Variants in GPATCH2 observed in about 807,000 individuals in gnomAD.
The protein encoded by GPATCH2 is G-patch domain containing 2.
Under a neutral mutation model 58.0 loss-of-function variants are expected in GPATCH2, and 51 were observed. That is an observed-to-expected ratio of 0.88 (90% CI 0.70 to 1.11). The LOEUF (loss-of-function observed/expected upper bound fraction) is 1.11. Ranked by LOEUF, GPATCH2 falls within the 50% of genes most tolerant of loss-of-function variation. The probability of loss-of-function intolerance (pLI) is 0.00; values close to 1 mark genes in which losing one functional copy is unlikely to be tolerated. For missense variants in GPATCH2, 625 were observed against 652.2 expected, an observed-to-expected ratio of 0.96 and a Z score of 0.45; for synonymous variants, 222 against 218.5, an observed-to-expected ratio of 1.02 and a Z score of -0.14.
At chr1:217,515,799 TA>T (rs36063116) in intron 5 of GPATCH2, among the ~76,000 whole-genome samples, 25,498 of 148,826 alleles carry the variant, frequency 0.17, 2,937 homozygotes, top group East Asian at 0.48. Flanking sequence ...ACTTATTACA[TA>T]AAAAAAAAAG....
chr1:217,472,504 G>C (rs979478474), intron 8 of GPATCH2, among the ~76,000 whole-genome samples: 7 of 152,044 alleles, frequency 4.6e-5, no homozygotes, highest in South Asian at 2.1e-4. Flanking sequence ...GGGTTTCACT[G>C]TGTTAGCCAA....
At chr1:217,621,252 A>T (rs909997806) in intron 1 of GPATCH2, among the ~76,000 whole-genome samples, 3 of 152,216 alleles carry the variant, frequency 2.0e-5, no homozygotes, top group Admixed American at 6.5e-5. Flanking sequence ...AATTTTTATA[A>T]ATTATACCTG....
chr1:217,609,832 C>A, intron 5 of GPATCH2: 8 of 1,001,794 alleles, frequency 8.0e-6, no homozygotes, highest in Non-Finnish European at 9.5e-6. Flanking sequence ...TTAAAATTTT[C>A]TAGCTTTGTT....
At chr1:217,468,286 T>TACACAATATCACCTTTGGAACAATC (rs1318434688) in intron 8 of GPATCH2, among the ~76,000 whole-genome samples, 2 of 152,140 alleles carry the variant, frequency 1.3e-5, no homozygotes, top group Non-Finnish European at 2.9e-5. Flanking sequence ...GTGAGGGAAG[T>TACACAATATCACCTTTGGAACAATC]ACACAATATC....
chr1:217,452,376 AATT>A (rs1659707097), intron 8 of GPATCH2, among the ~76,000 whole-genome samples: 1 of 152,238 alleles, frequency 6.6e-6, no homozygotes, highest in African/African-American at 2.4e-5. Context: ...AAGCTAAAAC[AATT>A]ATTAGCCAGG....
At chr1:217,515,510 C>G (rs1663089191) in intron 5 of GPATCH2, among the ~76,000 whole-genome samples, 1 of 152,026 alleles carries the variant, frequency 6.6e-6, no homozygotes, top group Non-Finnish European at 1.5e-5. Context: ...GAGTTCGAGA[C>G]CAGCCTGGAC....
chr1:217,544,467 T>C (rs1489143000), intron 5 of GPATCH2, among the ~76,000 whole-genome samples: 1 of 152,178 alleles, frequency 6.6e-6, no homozygotes, highest in Admixed American at 6.5e-5. Flanking sequence ...GCCAACATTC[T>C]TTTAAAAAAA....
chr1:217,548,460 C>T (rs1186283729), intron 5 of GPATCH2, among the ~76,000 whole-genome samples: 1 of 152,228 alleles, frequency 6.6e-6, no homozygotes, highest in Non-Finnish European at 1.5e-5. Context: ...AAGACACCTG[C>T]TTCTCTCAAT....
intron 5 of GPATCH2, among the ~76,000 whole-genome samples, chr1:217,584,679 A>T (rs1241370126): frequency 2.0e-5 from 3 of 152,128 alleles, no homozygotes. Flanking sequence ...GTAGATACCT[A>T]GCTTCCAAAC....
Position 217,620,457 on chromosome 1 carries a change from G to C in GPATCH2, c.99C>G (p.Val33=). Residue 33 remains valine, a synonymous_variant, in exon 2 of 10, where the codon GTC becomes GTG. Coordinates refer to ENST00000366935, the MANE Select transcript of GPATCH2 (RefSeq NM_018040.5). The stretch of plus-strand genomic sequence containing the variant: ...GCTCTGAGCTCTCTTCCAATGCTGA[G>C]ACAAGGTCATGAACCAGCTCCTCCA... ...RTMEELVHDL[V]SALEESSEQA... 3 of 1,613,832 alleles carry C rather than the reference G, an allele frequency of 1.9e-6. No individual in the cohort carries two copies. The South Asian group carries it at 3.3e-5, about 18-fold the overall frequency.
chr1:217,618,778 G>A (rs1015093333), intron 2 of GPATCH2, among the ~76,000 whole-genome samples: 10 of 151,980 alleles, frequency 6.6e-5, no homozygotes, highest in Admixed American at 2.6e-4. Context: ...TGGCCAACAT[G>A]GTGAAACCCC....
chr1:217,455,105 C>T (rs1659882273), intron 8 of GPATCH2, among the ~76,000 whole-genome samples: 1 of 152,154 alleles, frequency 6.6e-6, no homozygotes, highest in Non-Finnish European at 1.5e-5. Context: ...TGCCTCAAAC[C>T]TGATCTTAGC....
chr1:217,547,952 GTC>G (rs1360069143), intron 5 of GPATCH2, among the ~76,000 whole-genome samples: 1 of 152,080 alleles, frequency 6.6e-6, no homozygotes, highest in African/African-American at 2.4e-5. Context: ...TAGTTCTCCT[GTC>G]TCTCTCCTGC....
intron 6 of GPATCH2, among the ~76,000 whole-genome samples, chr1:217,499,123 A>G (rs1194053956): frequency 6.6e-6 from 1 of 152,120 alleles, no homozygotes; most frequent in Non-Finnish European, 1.5e-5. Context: ...ATTCTGCATA[A>G]AAAAACTAAC....
intron 5 of GPATCH2, among the ~76,000 whole-genome samples, chr1:217,567,331 C>T (rs950808649): frequency 6.6e-6 from 1 of 152,222 alleles, no homozygotes; most frequent in Non-Finnish European, 1.5e-5. Flanking sequence ...CAGGCATGAG[C>T]CACCGCACCC....
chr1:217,563,808 G>A (rs1305147734), intron 5 of GPATCH2, among the ~76,000 whole-genome samples: 1 of 152,118 alleles, frequency 6.6e-6, no homozygotes, highest in African/African-American at 2.4e-5. Context: ...ACTTTGGGTA[G>A]CCAAGGCGGG....
chr1:217,480,226 T>G (rs1363931021), intron 8 of GPATCH2, among the ~76,000 whole-genome samples: 1 of 151,952 alleles, frequency 6.6e-6, no homozygotes, highest in African/African-American at 2.4e-5. Context: ...GAGAAAATAT[T>G]TGCAAGCTAC....
At chr1:217,611,728 C>T (rs1191917875) in intron 3 of GPATCH2, among the ~76,000 whole-genome samples, 1 of 152,044 alleles carries the variant, frequency 6.6e-6, no homozygotes, top group Admixed American at 6.6e-5. Flanking sequence ...TCCAATTAAG[C>T]TCATTAAGAA....
At chr1:217,579,699 G>T (rs1666969433) in intron 5 of GPATCH2, among the ~76,000 whole-genome samples, 1 of 151,918 alleles carries the variant, frequency 6.6e-6, no homozygotes, top group African/African-American at 2.4e-5. Context: ...AATATTTACT[G>T]AAAAATATTT....
Sources: allele counts gnomAD v4.1 joint callset (sites outside exome capture counted in the v4.1 genomes callset), GRCh38; gene constraint gnomAD v4.1.1; transcripts MANE v1.5; gene names NCBI Gene and HGNC (gene_info 2026-07-23, HGNC 2026-07-21).